Variants in TENM2 observed in about 807,000 individuals in gnomAD.
TENM2 encodes teneurin-2.
A neutral mutation model predicts 245.2 loss-of-function variants in TENM2; 52 were observed. That is an observed-to-expected ratio of 0.21 (90% CI 0.17 to 0.27). The LOEUF is 0.27. Among genes scored for constraint, TENM2 ranks in the 10% least tolerant of loss-of-function variants. The pLI is 1.00. For missense variants in TENM2, 3,046 were observed against 3,666.8 expected (o/e 0.83, Z 4.37); for synonymous variants, 1,363 against 1,438.9 (o/e 0.95, Z 1.19).
At chr5:167,025,842 T>G in the TENM2 span, among the ~76,000 whole-genome samples, 1 of 152,182 alleles carries the variant, frequency 6.6e-6, no homozygotes, top group Admixed American at 6.5e-5. Context: ...CTGGTGTATA[T>G]AATCCGCTTC....
chr5:167,594,582 T>G (rs1441733968), intron 2 of TENM2, among the ~76,000 whole-genome samples: 1 of 152,228 alleles, frequency 6.6e-6, no homozygotes, highest in Non-Finnish European at 1.5e-5. Context: ...TAAATTACAA[T>G]GTTTTTATTT....
At chr5:167,444,795 A>G (rs1765067200) in intron 2 of TENM2, among the ~76,000 whole-genome samples, 1 of 152,136 alleles carries the variant, frequency 6.6e-6, no homozygotes, top group Non-Finnish European at 1.5e-5. Flanking sequence ...GCAATAAATG[A>G]GCATTGGGGC....
the TENM2 span, among the ~76,000 whole-genome samples, chr5:167,023,254 T>C: frequency 6.6e-6 from 1 of 152,238 alleles, no homozygotes; most frequent in South Asian, 2.1e-4. Context: ...TCTTAAAATG[T>C]TTTAATGCAT....
the TENM2 span, among the ~76,000 whole-genome samples, chr5:167,207,813 G>A: frequency 3.3e-5 from 5 of 152,172 alleles, no homozygotes; most frequent in African/African-American, 1.2e-4. Context: ...GAGTGCACTG[G>A]TACGATGCTG....
intron 2 of TENM2, among the ~76,000 whole-genome samples, chr5:167,814,773 G>T (rs1766916405): frequency 6.6e-6 from 1 of 151,928 alleles, no homozygotes; most frequent in Non-Finnish European, 1.5e-5. Flanking sequence ...TAACTAAGAT[G>T]AAACGAAAGT....
the TENM2 span, among the ~76,000 whole-genome samples, chr5:167,190,766 C>T: frequency 3.3e-5 from 5 of 152,028 alleles, no homozygotes; most frequent in Non-Finnish European, 5.9e-5. Context: ...TGAGGGGGCC[C>T]ATTTCACCAA....
intron 2 of TENM2, among the ~76,000 whole-genome samples, chr5:167,418,382 A>G (rs1014324528): frequency 6.6e-6 from 1 of 152,140 alleles, no homozygotes; most frequent in Non-Finnish European, 1.5e-5. Flanking sequence ...CTTCAATACA[A>G]TACTTTGGAC....
At chr5:167,962,980 T>C (rs1781126946) in intron 4 of TENM2, among the ~76,000 whole-genome samples, 1 of 152,196 alleles carries the variant, frequency 6.6e-6, no homozygotes, top group Non-Finnish European at 1.5e-5. Context: ...TGTTAGGTAC[T>C]GGCAAGATAC....
intron 5 of TENM2, among the ~76,000 whole-genome samples, chr5:168,024,189 T>C (rs920650766): frequency 6.6e-6 from 1 of 152,184 alleles, no homozygotes; most frequent in African/African-American, 2.4e-5. Context: ...TTTGTGCATA[T>C]GTGAACTGTC....
At chr5:167,366,790 TTCTC>T (rs1760081479) in intron 1 of TENM2, among the ~76,000 whole-genome samples, 1 of 152,156 alleles carries the variant, frequency 6.6e-6, no homozygotes, top group Non-Finnish European at 1.5e-5. Context: ...TTCCCTCTCT[TTCTC>T]TGATGAAAAA....
At chr5:167,618,987 G>A (rs987546295) in intron 2 of TENM2, among the ~76,000 whole-genome samples, 1 of 152,014 alleles carries the variant, frequency 6.6e-6, no homozygotes, top group Non-Finnish European at 1.5e-5. Flanking sequence ...CAATTGGGGT[G>A]GTTGTCACTG....
chr5:168,001,335 G>A (rs1291385998), intron 5 of TENM2, among the ~76,000 whole-genome samples: 1 of 152,218 alleles, frequency 6.6e-6, no homozygotes, highest in Non-Finnish European at 1.5e-5. Flanking sequence ...GAGAGAAACT[G>A]GGAAGTGTTT....
At chr5:167,632,090 C>T (rs1778912923) in intron 2 of TENM2, among the ~76,000 whole-genome samples, 1 of 152,170 alleles carries the variant, frequency 6.6e-6, no homozygotes, top group Non-Finnish European at 1.5e-5. Context: ...TGCCATCTCA[C>T]ATCTGCAGCA....
the TENM2 span, among the ~76,000 whole-genome samples, chr5:167,132,679 G>A: frequency 6.6e-6 from 1 of 152,154 alleles, no homozygotes; most frequent in African/African-American, 2.4e-5. Context: ...ATATCATAGT[G>A]TTAACATGAC....
chr5:167,112,083 C>A, the TENM2 span, among the ~76,000 whole-genome samples: 1 of 152,136 alleles, frequency 6.6e-6, no homozygotes, highest in Non-Finnish European at 1.5e-5. Flanking sequence ...AAATGATTGA[C>A]AGTGAACTTG....
chr5:168,203,787 G>A lies in TENM2; in HGVS notation c.3529G>A (p.Gly1177Ser), dbSNP rs745852994. ...ATTCGAGCTGGACCCCTCCAACCTC[G>A]GTGGCTGGTCCCTAGACAAACACCA... The change falls in exon 18 of 29, where the codon GGT becomes AGT. Residue 1177 changes from glycine (G) to serine (S), a missense_variant. Gly to Ser is a moderately conservative substitution (Grantham distance 56, BLOSUM62 0). Around this residue, in one of 2 missense-constraint regions of TENM2, gnomAD observed 2,704 missense variants for 3,331.9 expected, o/e 0.81. Coordinates refer to ENST00000518659, the Ensembl canonical transcript of TENM2. 17 of 1,613,144 alleles carry A rather than the reference G, an allele frequency of 1.1e-5. No individual in the cohort carries two copies. The highest frequency in any genetic ancestry group is 3.3e-5 in the Admixed American group (2 of 59,964).
chr5:166,980,766 T>C, the TENM2 span, among the ~76,000 whole-genome samples: 2 of 152,292 alleles, frequency 1.3e-5, no homozygotes, highest in Admixed American at 1.3e-4. Context: ...CAGGTTGCAG[T>C]TTCTGTACAT....
intron 2 of TENM2, among the ~76,000 whole-genome samples, chr5:167,761,450 A>G (rs1271995330): frequency 6.6e-6 from 1 of 152,112 alleles, no homozygotes; most frequent in African/African-American, 2.4e-5. Context: ...TTCAACCTCT[A>G]AAAAAGACCC....
intron 2 of TENM2, among the ~76,000 whole-genome samples, chr5:167,722,399 AATAG>A (rs901205086): frequency 2.6e-5 from 4 of 152,188 alleles, no homozygotes. Flanking sequence ...TAGATAGATA[AATAG>A]ATAGATGGAT....
Sources: gnomAD v4.1 joint callset for allele counts (sites outside exome capture counted in the v4.1 genomes callset) on GRCh38, gnomAD v4.1.1 for gene constraint, gnomAD v4.1.1 regional missense constraint, MANE v1.5 for transcripts, NCBI Gene and HGNC (gene_info 2026-07-23, HGNC 2026-07-21) for gene names.